ITGA1: variants seen among roughly 807,000 people sequenced by gnomAD.
ITGA1 encodes integrin alpha-1.
A neutral mutation model predicts 145.9 loss-of-function variants in ITGA1; 85 were observed. The ratio of observed to expected loss-of-function variants is 0.58; its 90% CI spans 0.49 to 0.70. The LOEUF (loss-of-function observed/expected upper bound fraction) is 0.70. ITGA1 is among the 30% of genes least tolerant of loss of function. The pLI is 0.00. For synonymous variants in ITGA1, 520 were observed against 495.3 expected (o/e 1.05, Z -0.66); for missense variants, 1,351 against 1,418.7 (o/e 0.95, Z 0.77).
chr5:52,808,860 T>A (rs1011750777), intron 1 of ITGA1, among the ~76,000 whole-genome samples: 1 of 152,068 alleles, frequency 6.6e-6, no homozygotes, highest in African/African-American at 2.4e-5. Flanking sequence ...GGTAACTTGC[T>A]CAAACACAAT....
rs1007650483 is a variant in ITGA1, at chr5:52,920,198, A to T, written c.2156-134A>T. On this transcript the variant is annotated intron_variant, in intron 16 of 28. Transcript: ENST00000282588. ...TAATATCATTGTTATAACAGTGTGG[A>T]TATGCTGAACAATAGAATCTTTTTT... 1.5e-4 allele frequency: 96 copies of T among 642,160 alleles called. No homozygotes were observed. In the East Asian group the frequency reaches 2.8e-3, roughly 19 times the overall value. 39.8% of individuals were successfully genotyped at this position (642,160 alleles called of 1,614,324 possible).
intron 1 of ITGA1, chr5:52,800,315 C>A: frequency 6.6e-7 from 1 of 1,521,182 alleles, no homozygotes; most frequent in Non-Finnish European, 9.0e-7. Context: ...TCCTGGCCTG[C>A]ATTCCCATCC....
chr5:52,836,288 A>G (rs988276873), intron 1 of ITGA1, among the ~76,000 whole-genome samples: 16 of 152,234 alleles, frequency 1.1e-4, no homozygotes, highest in Non-Finnish European at 1.9e-4. Flanking sequence ...TGGTCCATCC[A>G]GACAAAATAG....
At chr5:52,850,340 T>A in intron 2 of ITGA1, among the ~76,000 whole-genome samples, 1 of 152,158 alleles carries the variant, frequency 6.6e-6, no homozygotes, top group East Asian at 1.9e-4. Flanking sequence ...TGTTGAAAAT[T>A]ATATAAACTG....
chr5:52,890,354 A>G (rs1750126765), intron 8 of ITGA1, among the ~76,000 whole-genome samples: 1 of 152,248 alleles, frequency 6.6e-6, no homozygotes, highest in East Asian at 1.9e-4. Flanking sequence ...ACTTAATACT[A>G]TATTAAGATT....
intron 2 of ITGA1, among the ~76,000 whole-genome samples, chr5:52,852,700 T>C (rs1749447926): frequency 6.6e-6 from 1 of 152,164 alleles, no homozygotes; most frequent in Non-Finnish European, 1.5e-5. Flanking sequence ...GAGAAGTTAA[T>C]GTGTTAGTGG....
intron 1 of ITGA1, among the ~76,000 whole-genome samples, chr5:52,836,260 A>T (rs1385304318): frequency 1.3e-5 from 2 of 152,178 alleles, no homozygotes; most frequent in Admixed American, 1.3e-4. Context: ...GATTATTTGC[A>T]CATCTCTGAA....
intron 1 of ITGA1, chr5:52,800,897 C>T: frequency 6.2e-7 from 1 of 1,613,640 alleles, no homozygotes; most frequent in East Asian, 2.2e-5. Flanking sequence ...GTGAACATCC[C>T]TAGGAAAAGG....
chr5:52,897,391 G>T lies in ITGA1; in HGVS notation c.1091-64G>T. On this transcript the variant is annotated intron_variant, in intron 9 of 28. Transcript: ENST00000282588. ...AAGCTCTACCAGGTATCTGTATTCT[G>T]CAAGTCAGTAGTGCATGAAAAGGCA... The T allele has an allele frequency of 2.8e-6, 3 of 1,071,950 alleles. No homozygotes were observed. In the South Asian group the frequency reaches 3.9e-5, roughly 14 times the overall value. 66.4% of individuals were successfully genotyped at this position (1,071,950 alleles called of 1,614,324 possible). A position where few individuals can be genotyped will look rare whatever the true frequency, so the allele number is the denominator to read the frequency against.
At chr5:52,854,714 CAG>C (rs1046795702) in intron 2 of ITGA1, among the ~76,000 whole-genome samples, 2 of 152,138 alleles carry the variant, frequency 1.3e-5, no homozygotes, top group Non-Finnish European at 2.9e-5. Flanking sequence ...AAATATGAAA[CAG>C]AGACATCAGA....
At chr5:52,919,783 T>C (rs1244917477) in intron 16 of ITGA1, among the ~76,000 whole-genome samples, 3 of 152,216 alleles carry the variant, frequency 2.0e-5, no homozygotes, top group African/African-American at 7.2e-5. Context: ...AGCCTTCATA[T>C]ACAGTGTAAG....
At position 52,915,578 on chromosome 5, in the gene ITGA1, G is replaced by T. The variant is rs747139797; in HGVS notation, c.1972G>T (p.Gly658Cys). 3 of 1,613,818 alleles carry T rather than the reference G, an allele frequency of 1.9e-6. No homozygotes were observed. In the East Asian group the frequency reaches 6.7e-5, roughly 36 times the overall value. The change falls in exon 15 of 29, where the codon GGT (glycine) becomes TGT (cysteine). Residue 658 changes from glycine to cysteine, a missense_variant. Transcript: ENST00000282588. ...AGATGTGACTATTGGGGGCCTTGGT[G>T]GTGCTGCCCTCTTCTGGTATGTATT... ...LTDVTIGGLG[G>C]AALFWSRDVA...
intron 6 of ITGA1, among the ~76,000 whole-genome samples, chr5:52,874,487 A>G (rs777144076): frequency 1.3e-5 from 2 of 152,096 alleles, no homozygotes; most frequent in African/African-American, 4.8e-5. Flanking sequence ...TTATCATTTA[A>G]GATAGTTGTT....
chr5:52,824,115 A>G (rs1223518763), intron 1 of ITGA1, among the ~76,000 whole-genome samples: 1 of 152,026 alleles, frequency 6.6e-6, no homozygotes, highest in Non-Finnish European at 1.5e-5. Context: ...TTTAATATAT[A>G]TATATAGTAA....
At chr5:52,892,313 C>G (rs909135439) in intron 8 of ITGA1, among the ~76,000 whole-genome samples, 1 of 151,362 alleles carries the variant, frequency 6.6e-6, no homozygotes, top group African/African-American at 2.5e-5. Context: ...CTAAAACTAA[C>G]AAGTGAACAA....
In ITGA1 at chr5:52,815,698, C is replaced by A. The variant is rs114901249; in HGVS notation, c.61+27284C>A. On this transcript the variant is annotated intron_variant, in intron 1 of 28. Transcript: ENST00000282588. The stretch of plus-strand genomic sequence containing the variant: ...GGCTTTCAACAATAGCCTTGAATAT[C>A]AATGAATGTCTACTTAGCAATCATC... 6.7e-3 allele frequency among the ~76,000 whole-genome samples: 1,019 copies of A among 152,298 alleles called. 12 individuals carry two copies. Among genetic ancestry groups the A allele is most frequent in the African/African-American group, 0.023 (970 of 41,566 alleles).
intron 1 of ITGA1, among the ~76,000 whole-genome samples, chr5:52,840,417 G>A (rs1386564734): frequency 6.6e-6 from 1 of 152,180 alleles, no homozygotes; most frequent in Admixed American, 6.5e-5. Context: ...GTGCTCATGT[G>A]GCTTACACAA....
chr5:52,866,657 A>C (rs1749692489), intron 6 of ITGA1, among the ~76,000 whole-genome samples: 1 of 152,186 alleles, frequency 6.6e-6, no homozygotes. Context: ...AAAATCAAAT[A>C]GTTGTTTGTT....
At chr5:52,840,944 C>A (rs1320626160) in intron 1 of ITGA1, among the ~76,000 whole-genome samples, 1 of 152,204 alleles carries the variant, frequency 6.6e-6, no homozygotes, top group Non-Finnish European at 1.5e-5. Flanking sequence ...CACATATACA[C>A]ACACTCACTT....
Sources: gnomAD v4.1 joint callset for allele counts (sites outside exome capture counted in the v4.1 genomes callset) on GRCh38, gnomAD v4.1.1 for gene constraint, MANE v1.5 for transcripts, NCBI Gene and HGNC (gene_info 2026-07-23, HGNC 2026-07-21) for gene names.